LRRC37A2: variants seen among roughly 807,000 people sequenced by gnomAD.
LRRC37A2 encodes the protein leucine-rich repeat-containing protein 37A2.
Under a neutral mutation model 68.8 loss-of-function variants are expected in LRRC37A2, and 9 were observed. The ratio of observed to expected loss-of-function variants is 0.13; its 90% CI spans 0.08 to 0.23. The LOEUF (loss-of-function observed/expected upper bound fraction) is 0.23. LRRC37A2 is among the 10% of genes least tolerant of loss of function. The probability of loss-of-function intolerance (pLI) is 1.00; values close to 1 mark genes in which losing one functional copy is unlikely to be tolerated. For missense variants in LRRC37A2, 168 were observed against 950.4 expected, an observed-to-expected ratio of 0.18 and a Z score of 10.82; for synonymous variants, 63 against 367.6, an observed-to-expected ratio of 0.17 and a Z score of 9.48.
chr17:46,982,649 C>T, the LRRC37A2 span, among the ~76,000 whole-genome samples: 1 of 152,200 alleles, frequency 6.6e-6, no homozygotes, highest in African/African-American at 2.4e-5. Flanking sequence ...CAAAGCCACG[C>T]TCTTCATTAT....
At chr17:46,622,875 AC>A in the LRRC37A2 span, among the ~76,000 whole-genome samples, 1 of 144,912 alleles carries the variant, frequency 6.9e-6, no homozygotes, top group East Asian at 2.1e-4. Flanking sequence ...TAATACAAAC[AC>A]CCTTCAAGTA....
the LRRC37A2 span, among the ~76,000 whole-genome samples, chr17:47,024,954 CA>C: frequency 6.7e-6 from 1 of 149,454 alleles, no homozygotes; most frequent in Non-Finnish European, 1.5e-5. Flanking sequence ...AAAATACAGA[CA>C]AAAACATTTC....
chr17:46,979,155 C>G, the LRRC37A2 span: 2 of 856,794 alleles, frequency 2.3e-6, no homozygotes, highest in Non-Finnish European at 3.2e-6. Context: ...GCTGCCTGCG[C>G]GCTCTCGGGC....
At chr17:46,441,939 G>C in the LRRC37A2 span, among the ~76,000 whole-genome samples, 1 of 80,316 alleles carries the variant, frequency 1.2e-5, no homozygotes, top group East Asian at 2.4e-4. Flanking sequence ...CATCTAGAAA[G>C]CTTAGTGTTG....
the LRRC37A2 span, among the ~76,000 whole-genome samples, chr17:46,823,276 G>A: frequency 6.2e-5 from 9 of 146,142 alleles, no homozygotes; most frequent in Admixed American, 3.6e-4. Flanking sequence ...GTGCAATGGC[G>A]CGGTCTCGAC....
At chr17:46,971,302 A>T in the LRRC37A2 span, among the ~76,000 whole-genome samples, 1 of 152,142 alleles carries the variant, frequency 6.6e-6, no homozygotes, top group Non-Finnish European at 1.5e-5. Flanking sequence ...GCACTACTGC[A>T]CTCCAGCCTG....
the LRRC37A2 span, among the ~76,000 whole-genome samples, chr17:46,907,773 T>C: frequency 1.3e-5 from 2 of 151,170 alleles, no homozygotes; most frequent in African/African-American, 4.9e-5. Context: ...GAAGGATCGC[T>C]TGAGCCCAGG....
chr17:46,845,822 G>A, the LRRC37A2 span, among the ~76,000 whole-genome samples: 3 of 117,142 alleles, frequency 2.6e-5, no homozygotes, highest in East Asian at 5.1e-4. Context: ...ATCAAATCTC[G>A]TTCTGTCCTC....
At chr17:46,978,662 T>C in the LRRC37A2 span, 92 of 1,607,614 alleles carry the variant, frequency 5.7e-5, no homozygotes, top group Non-Finnish European at 7.6e-5. Flanking sequence ...AGCCCCAGGA[T>C]GGCTGCGCCC....
the LRRC37A2 span, chr17:46,875,325 C>T: frequency 3.7e-6 from 6 of 1,612,502 alleles, no homozygotes; most frequent in Non-Finnish European, 4.2e-6. Flanking sequence ...CAAGGACCTG[C>T]GGGCACGGGC....
the LRRC37A2 span, among the ~76,000 whole-genome samples, chr17:46,894,830 C>G: frequency 6.6e-6 from 1 of 152,256 alleles, no homozygotes; most frequent in Admixed American, 6.5e-5. Flanking sequence ...TTTCACTTCT[C>G]CCCCCTCCAC....
At chr17:46,870,904 CTTTTTTTTTTTT>C in the LRRC37A2 span, among the ~76,000 whole-genome samples, 1 of 78,396 alleles carries the variant, frequency 1.3e-5, no homozygotes, top group Non-Finnish European at 2.4e-5. Context: ...TCCACCTTTG[CTTTTTTTTTTTT>C]TTTTTTTTTT....
At chr17:47,019,838 G>A in the LRRC37A2 span, 1 of 1,211,044 alleles carries the variant, frequency 8.3e-7, no homozygotes, top group Non-Finnish European at 1.2e-6. Flanking sequence ...TCTGTGTCCT[G>A]CCTGACATGG....
At chr17:46,787,209 G>A in the LRRC37A2 span, among the ~76,000 whole-genome samples, 6 of 151,906 alleles carry the variant, frequency 3.9e-5, no homozygotes, top group African/African-American at 1.5e-4. Context: ...CCCAAGTGCT[G>A]GGATTACAGG....
At chr17:46,786,333 C>T in the LRRC37A2 span, among the ~76,000 whole-genome samples, 1 of 152,182 alleles carries the variant, frequency 6.6e-6, no homozygotes, top group South Asian at 2.1e-4. Context: ...CCCAGCCCAT[C>T]CTCCCCAGGA....
At chr17:47,018,820 C>A in the LRRC37A2 span, 1 of 1,521,102 alleles carries the variant, frequency 6.6e-7, no homozygotes, top group Admixed American at 1.7e-5. Context: ...ACTCAAGCCG[C>A]AGTTCAACCT....
the LRRC37A2 span, chr17:46,934,947 C>A: frequency 7.8e-7 from 1 of 1,287,828 alleles, no homozygotes; most frequent in South Asian, 1.2e-5. Context: ...TCTGGCTTGG[C>A]CTTGGCCAAA....
the LRRC37A2 span, among the ~76,000 whole-genome samples, chr17:46,775,008 T>G: frequency 6.6e-6 from 1 of 152,162 alleles, no homozygotes; most frequent in South Asian, 2.1e-4. Flanking sequence ...TAAGTCAAGT[T>G]TCCCACAAAA....
the LRRC37A2 span, among the ~76,000 whole-genome samples, chr17:46,418,193 T>TTG: frequency 6.4e-3 from 368 of 57,128 alleles, 100 homozygotes; most frequent in African/African-American, 0.013. Context: ...GGAAAATAAA[T>TTG]TGTGTGTGTG....
Sources: gnomAD v4.1 joint callset for allele counts (sites outside exome capture counted in the v4.1 genomes callset) on GRCh38, gnomAD v4.1.1 for gene constraint, MANE v1.5 for transcripts, NCBI Gene and HGNC (gene_info 2026-07-23, HGNC 2026-07-21) for gene names.